MAST4: variants seen among roughly 807,000 people sequenced by gnomAD.
MAST4 encodes the protein microtubule-associated serine/threonine-protein kinase 4.
MAST4 carries 89 observed loss-of-function variants against 162.7 expected under a neutral mutation model. The observed-to-expected ratio is 0.55, with a 90% CI of 0.46 to 0.65. The LOEUF (loss-of-function observed/expected upper bound fraction) is 0.65. MAST4 is among the 30% of genes least tolerant of loss of function. MAST4 has a pLI of 0.00. For synonymous variants in MAST4, 1,479 were observed against 1,361.1 expected, an observed-to-expected ratio of 1.09 and a Z score of -1.91; for missense variants, 3,153 against 3,374.0, an observed-to-expected ratio of 0.93 and a Z score of 1.62.
intron 1 of MAST4, among the ~76,000 whole-genome samples, chr5:66,679,007 G>A (rs1030017878): frequency 1.3e-5 from 2 of 152,162 alleles, no homozygotes; most frequent in African/African-American, 4.8e-5. Flanking sequence ...GGCCAGGCTG[G>A]TCTCAAACTC....
At chr5:66,890,470 T>C (rs1762299431) in intron 3 of MAST4, among the ~76,000 whole-genome samples, 1 of 152,198 alleles carries the variant, frequency 6.6e-6, no homozygotes, top group Non-Finnish European at 1.5e-5. Flanking sequence ...GCTTGTTTCA[T>C]TTGTCCGTTT....
chr5:66,639,345 A>G (rs1395530610), intron 1 of MAST4, among the ~76,000 whole-genome samples: 3 of 151,718 alleles, frequency 2.0e-5, no homozygotes, highest in Non-Finnish European at 4.4e-5. Context: ...GGACAACAAC[A>G]AAAAATTAGT....
At chr5:66,863,990 AAC>A (rs1203923412) in intron 3 of MAST4, among the ~76,000 whole-genome samples, 5 of 152,298 alleles carry the variant, frequency 3.3e-5, no homozygotes, top group African/African-American at 1.2e-4. Context: ...TCCTGACTGA[AAC>A]ACTGTGTGTG....
chr5:66,697,341 T>C (rs964024391), intron 1 of MAST4, among the ~76,000 whole-genome samples: 2 of 152,220 alleles, frequency 1.3e-5, no homozygotes, highest in Non-Finnish European at 2.9e-5. Flanking sequence ...TATGCATGGA[T>C]AAAAGATCCA....
intron 21 of MAST4, among the ~76,000 whole-genome samples, chr5:67,144,203 A>T (rs1230954132): frequency 1.3e-5 from 2 of 152,144 alleles, no homozygotes; most frequent in Non-Finnish European, 2.9e-5. Flanking sequence ...CTTGAAACAG[A>T]TAATTTATTC....
intron 1 of MAST4, among the ~76,000 whole-genome samples, chr5:66,666,971 G>A (rs1365654594): frequency 6.6e-6 from 1 of 151,520 alleles, no homozygotes; most frequent in Non-Finnish European, 1.5e-5. Flanking sequence ...CTGGCAGCCT[G>A]CCAGAAAGAG....
chr5:66,776,125 G>A (rs1350856635), intron 2 of MAST4, among the ~76,000 whole-genome samples: 1 of 152,186 alleles, frequency 6.6e-6, no homozygotes, highest in African/African-American at 2.4e-5. Flanking sequence ...ATTTAGACTT[G>A]TCTGGAAGTT....
chr5:66,980,138 A>T (rs1332085607), intron 4 of MAST4, among the ~76,000 whole-genome samples: 1 of 152,212 alleles, frequency 6.6e-6, no homozygotes, highest in Non-Finnish European at 1.5e-5. Flanking sequence ...CTGGGGGAGT[A>T]GATGAAATTT....
At chr5:66,898,515 T>G (rs779453455) in intron 3 of MAST4, among the ~76,000 whole-genome samples, 1 of 152,128 alleles carries the variant, frequency 6.6e-6, no homozygotes, top group Admixed American at 6.5e-5. Context: ...TTTTAGTAAA[T>G]GAAGGTATAT....
chr5:66,906,330 C>T (rs1023380909), intron 4 of MAST4, among the ~76,000 whole-genome samples: 7 of 152,094 alleles, frequency 4.6e-5, no homozygotes, highest in Non-Finnish European at 7.4e-5. Flanking sequence ...AAGGGGGATT[C>T]GTTCAGTCAG....
rs536529775 is a variant in MAST4 at position 66,674,216 on chromosome 5, C to T, written c.363+77198C>T. ...CTTGGTAATTAAATGCTTTATTGAC[C>T]TATGCTGGAATAAAGTGTGATGACT... On this transcript the variant is annotated intron_variant, in intron 1 of 28. Transcript: ENST00000403625. Among the ~76,000 whole-genome samples the T allele has an allele frequency of 3.9e-5, 6 of 152,226 alleles. No homozygotes were observed. The South Asian group carries it at 1.2e-3, about 32-fold the overall frequency.
chr5:66,744,744 C>T (rs1404104200), intron 1 of MAST4, among the ~76,000 whole-genome samples: 1 of 152,154 alleles, frequency 6.6e-6, no homozygotes, highest in African/African-American at 2.4e-5. Flanking sequence ...TGGCACTAAC[C>T]CATTCATGAA....
intron 25 of MAST4, among the ~76,000 whole-genome samples, chr5:67,153,095 A>G (rs974776966): frequency 1.4e-4 from 22 of 152,228 alleles, no homozygotes; most frequent in African/African-American, 5.3e-4. Flanking sequence ...TCTTTCTTAC[A>G]TACCAAGCTG....
At chr5:67,112,648 T>C (rs1766386338) in intron 11 of MAST4, among the ~76,000 whole-genome samples, 1 of 152,150 alleles carries the variant, frequency 6.6e-6, no homozygotes, top group East Asian at 1.9e-4. Flanking sequence ...ATGAGATGCA[T>C]AGGGTGAAGC....
At chr5:67,162,929 A>G (rs1773373260) in intron 28 of MAST4, 141 bp downstream of exon 28, 1 of 1,034,212 alleles carries the variant, frequency 9.7e-7, no homozygotes, top group Non-Finnish European at 1.4e-6. Context: ...TAGAGAGGTC[A>G]TAAGATGTGG....
chr5:66,689,467 T>C (rs1410717573), intron 1 of MAST4, among the ~76,000 whole-genome samples: 1 of 152,182 alleles, frequency 6.6e-6, no homozygotes, highest in Non-Finnish European at 1.5e-5. Context: ...ACTTTTATCA[T>C]TTTTAGGTGA....
chr5:66,869,602 G>A (rs1005958882), intron 3 of MAST4, among the ~76,000 whole-genome samples: 8 of 152,282 alleles, frequency 5.3e-5, no homozygotes, highest in Admixed American at 3.9e-4. Flanking sequence ...TGTGAACGCC[G>A]AAGCAGTGAT....
intron 10 of MAST4, among the ~76,000 whole-genome samples, chr5:67,107,941 C>G (rs1419101004): frequency 6.6e-6 from 1 of 152,202 alleles, no homozygotes. Context: ...AGTGTTTCCC[C>G]TTTGGAGCTT....
At chr5:66,719,298 A>T (rs772103663) in intron 1 of MAST4, among the ~76,000 whole-genome samples, 6 of 152,186 alleles carry the variant, frequency 3.9e-5, no homozygotes, top group Non-Finnish European at 7.3e-5. Context: ...GGAAATATAA[A>T]CTAGTTTTTT....
Sources: gnomAD v4.1 joint callset for allele counts (sites outside exome capture counted in the v4.1 genomes callset) on GRCh38, gnomAD v4.1.1 for gene constraint, MANE v1.5 for transcripts, NCBI Gene and HGNC (gene_info 2026-07-23, HGNC 2026-07-21) for gene names.